The following ENAH variants were observed in gnomAD, a reference collection of about 807,000 sequenced individuals.
ENAH encodes the protein ENAH actin regulator.
In ENAH, 23 loss-of-function variants were observed where a neutral mutation model predicts 78.7. That is an observed-to-expected ratio of 0.29 (90% CI 0.21 to 0.41). The LOEUF is 0.41. Among genes scored for constraint, ENAH ranks in the 10% least tolerant of loss-of-function variants. The pLI is 1.00. For synonymous variants in ENAH, 226 were observed against 241.0 expected (o/e 0.94, Z 0.58); for missense variants, 544 against 691.0 (o/e 0.79, Z 2.39).
chr1:225,586,307 G>C (rs2096846567), intron 1 of ENAH, among the ~76,000 whole-genome samples: 1 of 149,114 alleles, frequency 6.7e-6, no homozygotes. Context: ...GAGAGGAGGG[G>C]GAAGGAAAAG....
chr1:225,604,621 C>CAAA (rs762454618), intron 1 of ENAH, among the ~76,000 whole-genome samples: 3 of 88,940 alleles, frequency 3.4e-5, no homozygotes, highest in Non-Finnish European at 7.6e-5. Context: ...CCGTCTCTAC[C>CAAA]AAAAAAAAAA....
chr1:225,552,127 C>T (rs2096643522), intron 3 of ENAH, among the ~76,000 whole-genome samples: 2 of 137,640 alleles, frequency 1.5e-5, no homozygotes, highest in Admixed American at 8.2e-5. Flanking sequence ...CAAGAACACT[C>T]CTGATTCTTT....
chr1:225,615,852 G>T (rs1435942275), intron 1 of ENAH, among the ~76,000 whole-genome samples: 1 of 151,654 alleles, frequency 6.6e-6, no homozygotes, highest in African/African-American at 2.4e-5. Context: ...ATTGAGAACG[G>T]GCCATGATGA....
chr1:225,512,967 G>C lies in ENAH; in HGVS notation c.1268C>G (p.Ser423Cys). 1.2e-6 allele frequency: 2 copies of C among 1,613,858 alleles called. No individual in the cohort carries two copies. The highest frequency in any genetic ancestry group is 1.7e-6 in the Non-Finnish European group (2 of 1,179,852). The change falls in exon 8 of 14, where the codon TCC becomes TGC. Residue 423 changes from serine (S) to cysteine (C), a missense_variant. Coordinates refer to ENST00000366843, the MANE Select transcript of ENAH (RefSeq NM_018212.6). ...GCCTGTATCTGTTTTAGATGAGGCG[G>C]AGTTCACACCAATAGCATTCCCTCC... ...PSGGNAIGVN[S>C]ASSKTDTGRG...
chr1:225,621,255 C>T (rs1656839702), intron 1 of ENAH, among the ~76,000 whole-genome samples: 1 of 151,854 alleles, frequency 6.6e-6, no homozygotes, highest in Non-Finnish European at 1.5e-5. Flanking sequence ...ACCCTTCTGA[C>T]TCAGTATGGC....
At chr1:225,559,297 A>AT (rs1289483533) in intron 2 of ENAH, among the ~76,000 whole-genome samples, 2 of 152,140 alleles carry the variant, frequency 1.3e-5, no homozygotes, top group African/African-American at 2.4e-5. Context: ...ACTTTGTATG[A>AT]TTTTAATCCT....
chr1:225,593,408 GGGGGGGGGGT>G (rs752926213), intron 1 of ENAH, among the ~76,000 whole-genome samples: 6 of 118,840 alleles, frequency 5.0e-5, no homozygotes, highest in South Asian at 7.6e-4. Context: ...TGTGGGGGGG[GGGGGGGGGGT>G]GGGGGGTGCC....
chr1:225,574,421 C>T (rs539139747), intron 1 of ENAH, among the ~76,000 whole-genome samples: 5 of 151,854 alleles, frequency 3.3e-5, no homozygotes, highest in Non-Finnish European at 5.9e-5. Flanking sequence ...GCCAACATGG[C>T]AAAATCCCAT....
chr1:225,625,812 G>A (rs1484641163), intron 1 of ENAH, among the ~76,000 whole-genome samples: 1 of 152,128 alleles, frequency 6.6e-6, no homozygotes, highest in Non-Finnish European at 1.5e-5. Flanking sequence ...CACCACACCT[G>A]GCCTCCTGTA....
chr1:225,574,363 G>T (rs1219324948), intron 1 of ENAH, among the ~76,000 whole-genome samples: 1 of 152,148 alleles, frequency 6.6e-6, no homozygotes, highest in East Asian at 1.9e-4. Context: ...CACATTGAGA[G>T]GCTGAGGTGA....
At position 225,490,625 on chromosome 1, in the gene ENAH, G is replaced by A. The variant is rs983269551; in HGVS notation, c.*7150C>T. On this transcript the variant is annotated 3_prime_UTR_variant, in exon 14 of 14. Transcript: ENST00000366843. ...AAATGATCAAGCCCAAAGTACCTCTGGGAAGGACACCAAATTGTAAAGTCC... is the reference window on the plus strand; with the variant it reads ...AAATGATCAAGCCCAAAGTACCTCTAGGAAGGACACCAAATTGTAAAGTCC... 6.6e-6 allele frequency: 1 copy of A among 152,040 alleles called. No individual in the cohort carries two copies. Among genetic ancestry groups the A allele is most frequent in the Non-Finnish European group, 1.5e-5 (1 of 68,038 alleles). 9.4% of individuals were successfully genotyped at this position (152,040 alleles called of 1,614,324 possible). A position where few individuals can be genotyped will look rare whatever the true frequency, so the allele number is the denominator to read the frequency against.
At chr1:225,520,511 A>G (rs1350438031) in intron 4 of ENAH, among the ~76,000 whole-genome samples, 3 of 152,098 alleles carry the variant, frequency 2.0e-5, no homozygotes, top group Admixed American at 6.6e-5. Context: ...ACAAAATAAA[A>G]TGTAACCATT....
chr1:225,574,089 TA>T (rs1209717947), intron 1 of ENAH, among the ~76,000 whole-genome samples: 1 of 152,272 alleles, frequency 6.6e-6, no homozygotes, highest in East Asian at 1.9e-4. Flanking sequence ...TACTAAGAAA[TA>T]ACACTAAAAA....
intron 11 of ENAH, chr1:225,504,855 A>AT: frequency 2.0e-6 from 1 of 501,278 alleles, no homozygotes; most frequent in Non-Finnish European, 3.5e-6. Context: ...TGATGGCAGA[A>AT]TTTTTAAAAG....
intron 1 of ENAH, among the ~76,000 whole-genome samples, chr1:225,640,893 CTTTT>C (rs61440195): frequency 1.5e-5 from 2 of 130,960 alleles, no homozygotes; most frequent in Non-Finnish European, 3.3e-5. Flanking sequence ...CAAGTACATA[CTTTT>C]TTTTTTTTTT....
At chr1:225,631,242 C>A (rs907172504) in intron 1 of ENAH, among the ~76,000 whole-genome samples, 1 of 151,988 alleles carries the variant, frequency 6.6e-6, no homozygotes, top group Non-Finnish European at 1.5e-5. Context: ...ATTTGCCAAG[C>A]CACAATTAAC....
intron 1 of ENAH, chr1:225,581,380 C>A: frequency 1.5e-6 from 1 of 675,256 alleles, no homozygotes; most frequent in Non-Finnish European, 1.8e-6. Flanking sequence ...ATAAAGGCAC[C>A]AGGCAGAGCC....
intron 3 of ENAH, among the ~76,000 whole-genome samples, chr1:225,538,557 C>G (rs998996049): frequency 2.0e-5 from 3 of 151,510 alleles, no homozygotes; most frequent in East Asian, 1.9e-4. Context: ...CATCTTCCCC[C>G]CCGCCTTTTT....
At chr1:225,638,786 G>T (rs1021257099) in intron 1 of ENAH, among the ~76,000 whole-genome samples, 7 of 152,134 alleles carry the variant, frequency 4.6e-5, no homozygotes, top group Non-Finnish European at 7.3e-5. Flanking sequence ...ATAGACCAAT[G>T]CAATAAATTA....
Sources: allele counts gnomAD v4.1 joint callset (sites outside exome capture counted in the v4.1 genomes callset), GRCh38; gene constraint gnomAD v4.1.1; transcripts MANE v1.5; gene names NCBI Gene and HGNC (gene_info 2026-07-23, HGNC 2026-07-21).